Variants in AUTS2 observed in about 807,000 individuals in gnomAD.
The protein encoded by AUTS2 is activator of transcription and developmental regulator AUTS2.
In AUTS2, 17 loss-of-function variants were observed where a neutral mutation model predicts 112.4. The ratio of observed to expected loss-of-function variants is 0.15; its 90% CI spans 0.10 to 0.23. AUTS2 has a LOEUF of 0.23. AUTS2 is among the 10% of genes least tolerant of loss of function. AUTS2 has a pLI of 1.00. For synonymous variants in AUTS2, 751 were observed against 702.7 expected (o/e 1.07, Z -1.09); for missense variants, 1,510 against 1,701.6 (o/e 0.89, Z 1.98).
At position 70,418,107 on chromosome 7, in the gene AUTS2, G is replaced by GTC. The variant is rs1554396559; in HGVS notation, c.661-17644_661-17643insCT. On this transcript the variant is annotated intron_variant, in intron 4 of 18. Coordinates refer to ENST00000342771, the MANE Select transcript of AUTS2 (RefSeq NM_015570.4). The stretch of plus-strand genomic sequence containing the variant: ...TGTGTGTGTGTGTGTGTGTGTGTGT[G>GTC]TGTGTCTGTGTGTGTAGACGGGGTC... 7.7e-3 allele frequency among the ~76,000 whole-genome samples: 1,156 copies of GTC among 150,904 alleles called. 16 individuals carry two copies. The highest frequency in any genetic ancestry group is 0.025 in the African/African-American group (1,009 of 41,072).
At chr7:70,354,437 A>C (rs1426697164) in intron 4 of AUTS2, among the ~76,000 whole-genome samples, 1 of 152,244 alleles carries the variant, frequency 6.6e-6, no homozygotes, top group Non-Finnish European at 1.5e-5. Flanking sequence ...TACTAAGTGC[A>C]TACTCTGTGC....
chr7:70,624,808 A>G (rs1399326259), intron 5 of AUTS2, among the ~76,000 whole-genome samples: 3 of 152,236 alleles, frequency 2.0e-5, no homozygotes, highest in Non-Finnish European at 4.4e-5. Flanking sequence ...CCTGGGGTGT[A>G]GAGATAGGAA....
chr7:69,893,741 C>A (rs1319492259), intron 1 of AUTS2, among the ~76,000 whole-genome samples: 2 of 152,182 alleles, frequency 1.3e-5, no homozygotes, highest in Non-Finnish European at 2.9e-5. Context: ...TCATGCAAGG[C>A]AGACAAATTG....
intron 5 of AUTS2, among the ~76,000 whole-genome samples, chr7:70,489,229 C>T (rs920383057): frequency 1.3e-5 from 2 of 152,144 alleles, no homozygotes; most frequent in Admixed American, 6.5e-5. Context: ...AACACAAATG[C>T]GGTTCTGCTG....
chr7:70,687,100 A>G (rs1313241011), intron 5 of AUTS2, among the ~76,000 whole-genome samples: 2 of 152,190 alleles, frequency 1.3e-5, no homozygotes, highest in Admixed American at 1.3e-4. Flanking sequence ...TGTTGGATAC[A>G]TGAGCCGGTA....
intron 4 of AUTS2, among the ~76,000 whole-genome samples, chr7:70,314,835 C>A (rs1214983936): frequency 6.6e-6 from 1 of 152,196 alleles, no homozygotes; most frequent in Non-Finnish European, 1.5e-5. Context: ...TTACAGTCTC[C>A]TCCATGGTTT....
intron 4 of AUTS2, among the ~76,000 whole-genome samples, chr7:70,159,703 C>T (rs1286889225): frequency 6.6e-6 from 1 of 152,120 alleles, no homozygotes; most frequent in Non-Finnish European, 1.5e-5. Flanking sequence ...TCTAACTATA[C>T]AGACTGTGTT....
chr7:70,790,773 C>G lies in AUTS2; in HGVS notation c.3557C>G (p.Thr1186Ser). The G allele has an allele frequency of 6.2e-7, 1 of 1,612,686 alleles. No homozygotes were observed. The highest frequency in any genetic ancestry group is 1.1e-5 in the South Asian group (1 of 90,890). The change falls in exon 19 of 19, where the codon ACC (threonine) becomes AGC (serine). Residue 1186 changes from threonine (T) to serine (S), a missense_variant. Physicochemically the swap from Thr to Ser is moderately conservative, Grantham distance 58. Around this residue, in one of 3 missense-constraint regions of AUTS2, gnomAD observed 788 missense variants for 797.6 expected, o/e 0.99. Coordinates refer to ENST00000342771, the MANE Select transcript of AUTS2 (RefSeq NM_015570.4). The surrounding 1 kb of genome is among the most constrained non-coding windows in gnomAD (Gnocchi z 7.6). ...CACCTCCCCCACCCCAGCCTCATCA[C>G]CCCGGGACTCCCCAGCATGCACTAT... ...DGHLPHPSLI[T>S]PGLPSMHYPR...
intron 1 of AUTS2, among the ~76,000 whole-genome samples, chr7:69,633,016 A>G (rs959283834): frequency 6.6e-6 from 1 of 152,218 alleles, no homozygotes. Context: ...AATCCCAAAT[A>G]CAGTACAATT....
intron 2 of AUTS2, among the ~76,000 whole-genome samples, chr7:70,009,750 T>C (rs1047836896): frequency 3.3e-5 from 5 of 152,218 alleles, no homozygotes; most frequent in African/African-American, 9.6e-5. Flanking sequence ...CTCCACTTTG[T>C]ATATCAGGAA....
At chr7:69,850,743 A>G (rs553514190) in intron 1 of AUTS2, among the ~76,000 whole-genome samples, 2 of 152,286 alleles carry the variant, frequency 1.3e-5, no homozygotes, top group South Asian at 4.1e-4. Context: ...TGTATTCTAG[A>G]TATCAGTATC....
intron 2 of AUTS2, among the ~76,000 whole-genome samples, chr7:70,107,046 G>A (rs1280988141): frequency 7.9e-5 from 12 of 152,118 alleles, no homozygotes; most frequent in Non-Finnish European, 1.8e-4. Context: ...CTTGGTAGTG[G>A]TTTTTGACCT....
rs1252767187 is a variant in AUTS2 at position 69,899,453 on chromosome 7, C to T, written c.477C>T (p.Cys159=). 4.3e-6 allele frequency: 7 copies of T among 1,613,872 alleles called. No individual in the cohort carries two copies. Among genetic ancestry groups the T allele is most frequent in the Non-Finnish European group, 5.9e-6 (7 of 1,179,892 alleles). Residue 159 remains cysteine, a synonymous_variant, in exon 2 of 19, where the codon TGC becomes TGT. Coordinates refer to ENST00000342771, the MANE Select transcript of AUTS2 (RefSeq NM_015570.4). ...ATCGAGAAAATGACCGCAATCTCTGCCAGCACCTTGGGAAGAGAAAGAAAA... is the reference window on the plus strand; with the variant it reads ...ATCGAGAAAATGACCGCAATCTCTGTCAGCACCTTGGGAAGAGAAAGAAAA... ...SSDRENDRNL[C]QHLGKRKKMP... is the part of the protein sequence containing the mutation.
At chr7:70,748,246 A>T (rs1788592173) in intron 6 of AUTS2, among the ~76,000 whole-genome samples, 1 of 152,214 alleles carries the variant, frequency 6.6e-6, no homozygotes, top group Admixed American at 6.5e-5. Flanking sequence ...CAAATTAAGG[A>T]TAATGAAATG....
At chr7:69,961,785 GATT>G (rs1797440943) in intron 2 of AUTS2, among the ~76,000 whole-genome samples, 1 of 152,120 alleles carries the variant, frequency 6.6e-6, no homozygotes, top group African/African-American at 2.4e-5. Context: ...CTCAAAAGAA[GATT>G]ATTGGTTTTA....
intron 4 of AUTS2, among the ~76,000 whole-genome samples, chr7:70,418,442 A>G (rs1393918233): frequency 6.6e-6 from 1 of 152,222 alleles, no homozygotes; most frequent in Non-Finnish European, 1.5e-5. Flanking sequence ...AAGTCACAGT[A>G]AGGTGCAGCC....
At chr7:70,027,784 G>A (rs976522484) in intron 2 of AUTS2, among the ~76,000 whole-genome samples, 7 of 152,174 alleles carry the variant, frequency 4.6e-5, no homozygotes, top group Non-Finnish European at 1.0e-4. Context: ...AATCTATGCA[G>A]TTTAAACCTA....
rs150095561 is a variant in AUTS2, at chr7:69,823,455, G to A, written c.310-75831G>A. Among the ~76,000 whole-genome samples the A allele has an allele frequency of 9.1e-4, 138 of 152,356 alleles. 1 individual carries two copies. The highest frequency in any genetic ancestry group is 2.8e-3 in the African/African-American group (117 of 41,594). ...TTGTTGAACTGTATGTTGAGCAGCA[G>A]TGATGAAAAGATGCCTAAACATGTG... On this transcript the variant is annotated intron_variant, in intron 1 of 18. Coordinates refer to ENST00000342771, the MANE Select transcript of AUTS2 (RefSeq NM_015570.4).
chr7:69,796,894 C>G (rs1388087921), intron 1 of AUTS2, among the ~76,000 whole-genome samples: 1 of 151,944 alleles, frequency 6.6e-6, no homozygotes, highest in African/African-American at 2.4e-5. Flanking sequence ...GCTATTTGCC[C>G]TGATTATCAG....
Sources: gnomAD v4.1 joint callset for allele counts (sites outside exome capture counted in the v4.1 genomes callset) on GRCh38, gnomAD v4.1.1 for gene constraint, gnomAD v4.1.1 regional missense constraint, Gnocchi (gnomAD v3.1) non-coding constraint, MANE v1.5 for transcripts, NCBI Gene and HGNC (gene_info 2026-07-23, HGNC 2026-07-21) for gene names.